The following RNF115 variants were observed in gnomAD, a reference collection of about 807,000 sequenced individuals.
RNF115 encodes ring finger protein 115, also known as E3 ubiquitin-protein ligase RNF115.
A neutral mutation model predicts 39.2 loss-of-function variants in RNF115; 31 were observed. That is an observed-to-expected ratio of 0.79 (90% confidence interval 0.59 to 1.07). The LOEUF (loss-of-function observed/expected upper bound fraction) is 1.07, where lower values mean the gene tolerates loss of function less well. RNF115 is among the 50% of genes least tolerant of loss of function. RNF115 has a pLI of 0.00. For missense variants in RNF115, 384 were observed against 381.7 expected, an observed-to-expected ratio of 1.01 and a Z score of -0.05; for synonymous variants, 124 against 131.0, an observed-to-expected ratio of 0.95 and a Z score of 0.37.
rs1184579982 is a variant in RNF115, at chr1:145,740,952, C to T, written c.*5914G>A. ...TCCTTGGTTCAAACGATTCTCCCTCCTCAGCCTCCCAAGTAGCTGGGACTA... is the reference window on the plus strand; with the variant it reads ...TCCTTGGTTCAAACGATTCTCCCTCTTCAGCCTCCCAAGTAGCTGGGACTA... On this transcript the variant is annotated 3_prime_UTR_variant, in exon 9 of 9. Coordinates refer to ENST00000582693, the MANE Select transcript of RNF115 (RefSeq NM_014455.4). 2 of 152,328 alleles carry T rather than the reference C, an allele frequency of 1.3e-5. No homozygotes were observed. The highest frequency in any genetic ancestry group is 4.8e-5 in the African/African-American group (2 of 41,448). The allele number at this position is 152,328 out of a possible 1,614,324, so 9.4% of individuals were successfully genotyped here. A position where few individuals can be genotyped will look rare whatever the true frequency, so the allele number is the denominator to read the frequency against.
chr1:145,761,771 T>C (rs995118225), intron 4 of RNF115, among the ~76,000 whole-genome samples: 5 of 152,144 alleles, frequency 3.3e-5, no homozygotes, highest in African/African-American at 1.2e-4. Flanking sequence ...TGGGCCACCA[T>C]CTTCCAGATC....
Position 145,739,301 on chromosome 1 carries a change from T to G in RNF115, c.*7565A>C, listed in dbSNP as rs1553710688. 3 of 152,220 alleles carry G rather than the reference T, an allele frequency of 2.0e-5. No homozygotes were observed. The highest frequency in any genetic ancestry group is 7.2e-5 in the African/African-American group (3 of 41,440). 9.4% of individuals were successfully genotyped at this position (152,220 alleles called of 1,614,324 possible). A position where few individuals can be genotyped will look rare whatever the true frequency, so the allele number is the denominator to read the frequency against. ...ATAAAGGGGTAAGAGCACAGAAATTTAGCTACAGCTCCATGGTGAGCCATT... is the reference window on the plus strand; with the variant it reads ...ATAAAGGGGTAAGAGCACAGAAATTGAGCTACAGCTCCATGGTGAGCCATT... On this transcript the variant is annotated 3_prime_UTR_variant, in exon 9 of 9. Coordinates refer to ENST00000582693, the MANE Select transcript of RNF115 (RefSeq NM_014455.4).
At position 145,771,789 on chromosome 1, in the gene RNF115, C is replaced by T. The variant is rs1553715802; in HGVS notation, c.350G>A (p.Arg117Lys). The T allele has an allele frequency of 1.9e-6, 3 of 1,614,044 alleles. No individual in the cohort carries two copies. Among genetic ancestry groups the T allele is most frequent in the Non-Finnish European group, 2.5e-6 (3 of 1,180,018 alleles). ...HQTHTDFWGA[R>K]PPRLPLGRRY... is the part of the protein sequence containing the mutation. ...CCGACCCAATGGCAACCGTGGAGGT[C>T]TTGCTCCCCAGAAGTCAGTGTGAGT... The change falls in exon 4 of 9, where the codon AGA becomes AAA. Residue 117 changes from arginine to lysine, a missense_variant. By Grantham distance (26) the Arg-to-Lys change is conservative. Coordinates refer to ENST00000582693, the MANE Select transcript of RNF115 (RefSeq NM_014455.4).
chr1:145,758,141 C>T (rs1658370953), intron 4 of RNF115, among the ~76,000 whole-genome samples: 1 of 152,152 alleles, frequency 6.6e-6, no homozygotes, highest in African/African-American at 2.4e-5. Context: ...CTCTTACAGA[C>T]AAAATGTAGC....
At position 145,745,890 on chromosome 1, in the gene RNF115, T is replaced by A; in HGVS notation, c.*976A>T. ...CATAAGGCTCCCAATATATGTTATG[T>A]AGGTTTCTTGGGAAACTGCATCAAC... On this transcript the variant is annotated 3_prime_UTR_variant, in exon 9 of 9. Transcript: ENST00000582693. 6.6e-6 allele frequency: 1 copy of A among 152,040 alleles called. No individual in the cohort carries two copies. The highest frequency in any genetic ancestry group is 1.9e-4 in the East Asian group (1 of 5,170). 9.4% of individuals were successfully genotyped at this position (152,040 alleles called of 1,614,324 possible).
At chr1:145,769,902 T>C (rs1208558852) in intron 4 of RNF115, among the ~76,000 whole-genome samples, 4 of 151,952 alleles carry the variant, frequency 2.6e-5, no homozygotes, top group Admixed American at 2.6e-4. Flanking sequence ...ACCTAGTTCA[T>C]AGGCTGAAGT....
chr1:145,739,579 ATTTT>A lies in RNF115; in HGVS notation c.*7283_*7286del, dbSNP rs35347418. The A allele has an allele frequency of 1.5e-5, 2 of 137,458 alleles. No individual in the cohort carries two copies. Among genetic ancestry groups the A allele is most frequent in the Non-Finnish European group, 3.1e-5 (2 of 64,422 alleles). The allele number at this position is 137,458 out of a possible 1,614,324, so 8.5% of individuals were successfully genotyped here. On this transcript the variant is annotated 3_prime_UTR_variant, in exon 9 of 9. Transcript: ENST00000582693. ...CAGCTATTTGTCATTGGGCAAATGAATTTTTTTTTTTTTTTTTTGAGACGGAGTC... is the reference window on the plus strand; with the variant it reads ...CAGCTATTTGTCATTGGGCAAATGAATTTTTTTTTTTTTTGAGACGGAGTC...
intron 1 of RNF115, among the ~76,000 whole-genome samples, chr1:145,822,147 T>G (rs1389052882): frequency 2.6e-5 from 4 of 151,926 alleles, no homozygotes; most frequent in East Asian, 3.9e-4. Context: ...GCCAACATGG[T>G]GAAACTGCAT....
chr1:145,766,246 A>ACCGC, intron 4 of RNF115, among the ~76,000 whole-genome samples: 1 of 152,296 alleles, frequency 6.6e-6, no homozygotes, highest in African/African-American at 2.4e-5. Context: ...CACATCTTGC[A>ACCGC]CCGCCCTTAA....
At chr1:145,757,576 A>G (rs1388180067) in intron 4 of RNF115, among the ~76,000 whole-genome samples, 1 of 152,220 alleles carries the variant, frequency 6.6e-6, no homozygotes, top group African/African-American at 2.4e-5. Context: ...AATATGAACT[A>G]CTTTTAATGG....
chr1:145,765,247 T>G (rs1334970556), intron 4 of RNF115, among the ~76,000 whole-genome samples: 50 of 152,160 alleles, frequency 3.3e-4, no homozygotes, highest in Non-Finnish European at 2.9e-5. Flanking sequence ...TCATCACCAC[T>G]CCCTAATCTC....
intron 1 of RNF115, among the ~76,000 whole-genome samples, chr1:145,794,980 G>A (rs904425493): frequency 7.2e-6 from 1 of 138,022 alleles, no homozygotes; most frequent in Non-Finnish European, 1.5e-5. Context: ...TCGCGCCACC[G>A]CACTCCAGCC....
rs587595226 is a variant in RNF115, at chr1:145,741,688, G to A, written c.*5178C>T. 23 of 152,348 alleles carry A rather than the reference G, an allele frequency of 1.5e-4. No homozygotes were observed. Among genetic ancestry groups the A allele is most frequent in the African/African-American group, 5.1e-4 (21 of 41,562 alleles). 9.4% of individuals were successfully genotyped at this position (152,348 alleles called of 1,614,324 possible). ...TCCTATAAGTCGTCCCCAATCCCCA[G>A]ATCTCCAATGGATTATTCTTGTAAA... On this transcript the variant is annotated 3_prime_UTR_variant, in exon 9 of 9. Coordinates refer to ENST00000582693, the MANE Select transcript of RNF115 (RefSeq NM_014455.4).
chr1:145,803,071 T>C (rs1300090796), intron 1 of RNF115, among the ~76,000 whole-genome samples: 1 of 152,206 alleles, frequency 6.6e-6, no homozygotes, highest in Non-Finnish European at 1.5e-5. Context: ...CACTGACTTC[T>C]TTCTCTCAAC....
At chr1:145,814,751 T>C (rs1553723221) in intron 1 of RNF115, among the ~76,000 whole-genome samples, 1 of 152,188 alleles carries the variant, frequency 6.6e-6, no homozygotes, top group East Asian at 1.9e-4. Context: ...TATATACATT[T>C]ATATTTATCA....
chr1:145,804,401 A>G (rs895060408), intron 1 of RNF115, among the ~76,000 whole-genome samples: 1 of 152,148 alleles, frequency 6.6e-6, no homozygotes, highest in Non-Finnish European at 1.5e-5. Flanking sequence ...GGTTAGAGTA[A>G]TGAATGTGAA....
chr1:145,800,699 C>T (rs1469815035), intron 1 of RNF115, among the ~76,000 whole-genome samples: 1 of 152,194 alleles, frequency 6.6e-6, no homozygotes, highest in Non-Finnish European at 1.5e-5. Flanking sequence ...ATGGCCCCAT[C>T]TCCAGGTACT....
intron 1 of RNF115, among the ~76,000 whole-genome samples, chr1:145,811,908 AATAT>A (rs1165510589): frequency 2.0e-4 from 11 of 55,130 alleles, no homozygotes; most frequent in Middle Eastern, 9.8e-3. Flanking sequence ...AAAAAAAAAA[AATAT>A]ATATATATAT....
In RNF115 at chr1:145,744,436, G is replaced by C. The variant is rs1416928978; in HGVS notation, c.*2430C>G. 1.3e-5 allele frequency: 2 copies of C among 152,192 alleles called. No individual in the cohort carries two copies. Among genetic ancestry groups the C allele is most frequent in the Non-Finnish European group, 2.9e-5 (2 of 68,030 alleles). The allele number at this position is 152,192 out of a possible 1,614,324, so 9.4% of individuals were successfully genotyped here. ...CAATCACTACAGAGGTGTAATATGG[G>C]AGGTATATGAAAAAACATATTTTAT... On this transcript the variant is annotated 3_prime_UTR_variant, in exon 9 of 9. Coordinates refer to ENST00000582693, the MANE Select transcript of RNF115 (RefSeq NM_014455.4).
Sources: allele counts gnomAD v4.1 joint callset (sites outside exome capture counted in the v4.1 genomes callset), GRCh38; gene constraint gnomAD v4.1.1; transcripts MANE v1.5; gene names NCBI Gene and HGNC (gene_info 2026-07-23, HGNC 2026-07-21).